PLCL1: variants seen among roughly 807,000 people sequenced by gnomAD.
PLCL1 encodes the protein phospholipase C like 1 (inactive).
A neutral mutation model predicts 84.4 loss-of-function variants in PLCL1; 41 were observed. That is an observed-to-expected ratio of 0.49 (90% confidence interval 0.38 to 0.63). PLCL1 has a LOEUF of 0.63. Ranked by LOEUF, PLCL1 falls within the 30% of genes least tolerant of loss-of-function variation. The pLI is 0.00. For missense variants in PLCL1, 1,206 were observed against 1,367.8 expected, an observed-to-expected ratio of 0.88 and a Z score of 1.87; for synonymous variants, 490 against 488.3, an observed-to-expected ratio of 1.00 and a Z score of -0.05.
intron 3 of PLCL1, among the ~76,000 whole-genome samples, chr2:198,094,047 A>C (rs1032103007): frequency 6.6e-6 from 1 of 152,012 alleles, no homozygotes; most frequent in Admixed American, 6.6e-5. Flanking sequence ...CAGTCTTAAA[A>C]GTCATTTTTT....
Position 198,101,379 on chromosome 2 carries a change from T to G in PLCL1, c.2995+19T>G. The stretch of plus-strand genomic sequence containing the variant: ...AAAGCAGGTAATTGTTTTTAATTTT[T>G]TTTTCTGTTTTTTTTTTCTATTTTG... On this transcript the variant is annotated intron_variant, in intron 4 of 5. Transcript: ENST00000428675. 1 of 1,359,568 alleles carries G rather than the reference T, an allele frequency of 7.4e-7. No individual in the cohort carries two copies. Among genetic ancestry groups the G allele is most frequent in the Non-Finnish European group, 1.0e-6 (1 of 977,594 alleles). 84.2% of individuals were successfully genotyped at this position (1,359,568 alleles called of 1,614,324 possible). A position where few individuals can be genotyped will look rare whatever the true frequency, so the allele number is the denominator to read the frequency against.
intron 1 of PLCL1, among the ~76,000 whole-genome samples, chr2:197,875,285 C>CA (rs201809066): frequency 6.2e-4 from 92 of 148,386 alleles, no homozygotes; most frequent in South Asian, 2.8e-3. Context: ...CACTCCATCT[C>CA]AAAAAAAAAT....
At position 198,101,268 on chromosome 2, in the gene PLCL1, T is replaced by C. The variant is rs1171907266; in HGVS notation, c.2920-17T>C. ...AGGATTCTGACAACCACCTTTTTGA[T>C]GTTTATTTTGTAACAGATGATTCAA... is the stretch of plus-strand genomic sequence containing the variant. On this transcript the variant is annotated splice_polypyrimidine_tract_variant and intron_variant, in intron 3 of 5. Coordinates refer to ENST00000428675, the MANE Select transcript of PLCL1 (RefSeq NM_006226.4). 5 of 1,508,364 alleles carry C rather than the reference T, an allele frequency of 3.3e-6. No individual in the cohort carries two copies. The highest frequency in any genetic ancestry group is 2.3e-5 in the East Asian group (1 of 44,328). 93.4% of individuals were successfully genotyped at this position (1,508,364 alleles called of 1,614,324 possible).
chr2:197,902,678 G>T (rs899724877), intron 1 of PLCL1, among the ~76,000 whole-genome samples: 1 of 152,204 alleles, frequency 6.6e-6, no homozygotes, highest in Non-Finnish European at 1.5e-5. Flanking sequence ...AATGACAAAT[G>T]CCAGGCTTTT....
intron 1 of PLCL1, among the ~76,000 whole-genome samples, chr2:198,043,906 G>T (rs1691728002): frequency 1.0e-5 from 1 of 96,408 alleles, no homozygotes; most frequent in African/African-American, 3.7e-5. Context: ...TTTTAAATGA[G>T]AGGCTAATTT....
intron 1 of PLCL1, among the ~76,000 whole-genome samples, chr2:197,844,061 A>C (rs1485825271): frequency 6.6e-6 from 1 of 152,182 alleles, no homozygotes; most frequent in African/African-American, 2.4e-5. Flanking sequence ...TTTTCTGTAA[A>C]GTAACTTTTC....
At chr2:198,123,466 A>G (rs757554016) in intron 5 of PLCL1, among the ~76,000 whole-genome samples, 1 of 152,088 alleles carries the variant, frequency 6.6e-6, no homozygotes, top group Non-Finnish European at 1.5e-5. Context: ...ATCCAATATG[A>G]TGGGTGTCAT....
intron 1 of PLCL1, among the ~76,000 whole-genome samples, chr2:197,907,696 A>T (rs543632669): frequency 6.6e-6 from 1 of 152,310 alleles, no homozygotes; most frequent in Non-Finnish European, 1.5e-5. Context: ...TTCAATTCCA[A>T]TTGTAACTAC....
At chr2:197,816,808 C>T (rs1311673134) in intron 1 of PLCL1, among the ~76,000 whole-genome samples, 2 of 152,034 alleles carry the variant, frequency 1.3e-5, no homozygotes, top group Non-Finnish European at 2.9e-5. Context: ...AGATATAGTG[C>T]CTTACATGTA....
chr2:198,047,927 C>G (rs907448401), intron 1 of PLCL1, among the ~76,000 whole-genome samples: 1 of 152,150 alleles, frequency 6.6e-6, no homozygotes, highest in African/African-American at 2.4e-5. Context: ...ATAACTCTTC[C>G]ATGCGAGTGG....
chr2:198,102,313 T>A (rs1693367016), intron 4 of PLCL1, among the ~76,000 whole-genome samples: 1 of 152,042 alleles, frequency 6.6e-6, no homozygotes, highest in Non-Finnish European at 1.5e-5. Context: ...ACCCACTTGT[T>A]AACCACATGT....
chr2:197,812,545 G>GT (rs1256725472), intron 1 of PLCL1, among the ~76,000 whole-genome samples: 1 of 152,172 alleles, frequency 6.6e-6, no homozygotes, highest in African/African-American at 2.4e-5. Context: ...CTAATGATTA[G>GT]TAATGATGAG....
Position 198,085,027 on chromosome 2 carries a change from G to T in PLCL1, c.1510G>T (p.Ala504Ser). ...HCSLPQQKVM[A>S]QQMKKVFGNK... Reference sequence around the variant, plus strand: ...CTCCTTGCCGCAGCAGAAGGTAATGGCTCAACAGATGAAAAAGGTCTTTGG... The same window carrying T: ...CTCCTTGCCGCAGCAGAAGGTAATGTCTCAACAGATGAAAAAGGTCTTTGG... The change falls in exon 2 of 6, where the codon GCT (alanine) becomes TCT (serine). Residue 504 changes from alanine (A) to serine (S), a missense_variant. Transcript: ENST00000428675. This position sits in a 1 kb window ranked among gnomAD's most constrained non-coding sequence, Gnocchi z 5.3. The T allele has an allele frequency of 6.2e-7, 1 of 1,613,996 alleles. No individual in the cohort carries two copies. Among genetic ancestry groups the T allele is most frequent in the Non-Finnish European group, 8.5e-7 (1 of 1,179,986 alleles).
Position 198,085,713 on chromosome 2 carries a change from T to A in PLCL1, c.2196T>A (p.Asn732Lys). The stretch of plus-strand genomic sequence containing the variant: ...ATATCAAGATCATCAGTGGTCAGAA[T>A]TTCCCAAAGCCCAAGGGAGCTTGTG... ...ALHIKIISGQ[N>K]FPKPKGACAK... Residue 732 changes from asparagine (N) to lysine (K), a missense_variant, in exon 2 of 6, where the codon AAT becomes AAA. Coordinates refer to ENST00000428675, the MANE Select transcript of PLCL1 (RefSeq NM_006226.4). This position sits in a 1 kb window ranked among gnomAD's most constrained non-coding sequence, Gnocchi z 5.3. 6.2e-7 allele frequency: 1 copy of A among 1,614,160 alleles called. No individual in the cohort carries two copies. Among genetic ancestry groups the A allele is most frequent in the Non-Finnish European group, 8.5e-7 (1 of 1,180,010 alleles).
intron 1 of PLCL1, among the ~76,000 whole-genome samples, chr2:197,952,309 C>T (rs999072819): frequency 6.6e-6 from 1 of 151,988 alleles, no homozygotes; most frequent in African/African-American, 2.4e-5. Flanking sequence ...AAGTTAGTAC[C>T]CTGCTAGTGA....
intron 3 of PLCL1, among the ~76,000 whole-genome samples, chr2:198,099,141 AT>A (rs1167088796): frequency 3.3e-5 from 5 of 152,172 alleles, no homozygotes; most frequent in African/African-American, 1.2e-4. Flanking sequence ...CCACTGCCAG[AT>A]TCTATCGACT....
At chr2:198,038,631 C>T (rs1428722204) in intron 1 of PLCL1, among the ~76,000 whole-genome samples, 1 of 152,020 alleles carries the variant, frequency 6.6e-6, no homozygotes, top group East Asian at 1.9e-4. Flanking sequence ...AGCATCTGTA[C>T]TTGTATGTGC....
At chr2:198,035,789 C>T (rs1409080917) in intron 1 of PLCL1, among the ~76,000 whole-genome samples, 1 of 152,260 alleles carries the variant, frequency 6.6e-6, no homozygotes, top group Non-Finnish European at 1.5e-5. Flanking sequence ...AATCCCAGCA[C>T]TTTGGGAGGC....
chr2:197,844,182 A>AT (rs1217753108), intron 1 of PLCL1, among the ~76,000 whole-genome samples: 1 of 152,130 alleles, frequency 6.6e-6, no homozygotes, highest in Non-Finnish European at 1.5e-5. Context: ...AATTTGATGG[A>AT]TTTTCAAAAC....
Sources: allele counts gnomAD v4.1 joint callset (sites outside exome capture counted in the v4.1 genomes callset), GRCh38; gene constraint gnomAD v4.1.1; non-coding constraint Gnocchi (gnomAD v3.1); transcripts MANE v1.5; gene names NCBI Gene and HGNC (gene_info 2026-07-23, HGNC 2026-07-21).